The following TRARG1 variants were observed in gnomAD, a reference collection of about 807,000 sequenced individuals.
TRARG1 encodes trafficking regulator of GLUT4 (SLC2A4) 1 (gene/pseudogene), also known as trafficking regulator of GLUT4 1.
A neutral mutation model predicts 13.3 loss-of-function variants in TRARG1; 16 were observed. That is an observed-to-expected ratio of 1.20 (90% CI 0.81 to 1.83). The LOEUF (loss-of-function observed/expected upper bound fraction) is 1.83. Among genes scored for constraint, TRARG1 ranks in the 40% most tolerant of loss-of-function variants. The probability of loss-of-function intolerance (pLI) is 0.00; values close to 1 mark genes in which losing one functional copy is unlikely to be tolerated. For missense variants in TRARG1, 250 were observed against 237.4 expected (o/e 1.05, Z -0.35); for synonymous variants, 113 against 106.2 (o/e 1.06, Z -0.39).
At chr17:1,282,334 G>GTATATGTACATATGCGTA (rs2071989285) in intron 1 of TRARG1, among the ~76,000 whole-genome samples, 1 of 148,434 alleles carries the variant, frequency 6.7e-6, no homozygotes, top group Non-Finnish European at 1.5e-5. Context: ...ATATATGTAC[G>GTATATGTACATATGCGTA]TATATGTACA....
chr17:1,295,653 G>A (rs781557818), intron 2 of TRARG1, 30 bp downstream of exon 2: 2 of 1,595,858 alleles, frequency 1.3e-6, no homozygotes, highest in Middle Eastern at 1.7e-4. Flanking sequence ...AGAGGAGGAA[G>A]CCAGCTTGCC....
At chr17:1,289,715 C>T (rs1044834560) in intron 1 of TRARG1, among the ~76,000 whole-genome samples, 1 of 151,812 alleles carries the variant, frequency 6.6e-6, no homozygotes, top group Non-Finnish European at 1.5e-5. Flanking sequence ...GACCTTTCCT[C>T]TTTCCATCTG....
intron 2 of TRARG1, 118 bp from the exon 3 acceptor site, chr17:1,298,133 C>T (rs1389496644): frequency 8.0e-7 from 1 of 1,249,608 alleles, no homozygotes; most frequent in Non-Finnish European, 1.1e-6. Flanking sequence ...TTAGCCTTCT[C>T]CCCTTATCCC....
At chr17:1,280,513 G>A (rs1216598519) in intron 1 of TRARG1, 125 bp downstream of exon 1, 18 of 1,115,800 alleles carry the variant, frequency 1.6e-5, no homozygotes, top group Non-Finnish European at 2.0e-5. Flanking sequence ...GGGGGCTTGG[G>A]GAAGACTCCT....
intron 1 of TRARG1, among the ~76,000 whole-genome samples, chr17:1,285,997 T>A (rs1347834434): frequency 6.6e-6 from 1 of 151,996 alleles, no homozygotes; most frequent in Admixed American, 6.6e-5. Context: ...CACGCATAGA[T>A]CCCTGGTGAC....
chr17:1,293,095 G>T (rs2072084212), intron 1 of TRARG1, among the ~76,000 whole-genome samples: 1 of 152,054 alleles, frequency 6.6e-6, no homozygotes, highest in Admixed American at 6.6e-5. Flanking sequence ...AGACCAGCCT[G>T]GCCAACATGG....
In TRARG1 at chr17:1,282,044, ATGTACACATATGTACATG is replaced by A. The variant is rs1567927920; in HGVS notation, c.387+1658_387+1675del. On this transcript the variant is annotated intron_variant, in intron 1 of 2. Transcript: ENST00000333813. ...TACATATGTACATATATACACACAT[ATGTACACATATGTACATG>A]TATACACATATATACATATATGTAC... 5.2e-3 allele frequency among the ~76,000 whole-genome samples: 721 copies of A among 137,716 alleles called. 11 individuals are homozygous for A. Among genetic ancestry groups the A allele is most frequent in the African/African-American group, 0.019 (682 of 36,272 alleles). 90.3% of individuals were successfully genotyped at this position (137,716 alleles called of 152,430 possible).
intron 1 of TRARG1, among the ~76,000 whole-genome samples, chr17:1,294,883 A>G (rs3926577): frequency 6.6e-6 from 1 of 152,022 alleles, no homozygotes; most frequent in South Asian, 2.1e-4. Context: ...ATGGGGTTTC[A>G]CCATGTTGGT....
chr17:1,296,662 C>T (rs2072112856), intron 2 of TRARG1, among the ~76,000 whole-genome samples: 1 of 152,106 alleles, frequency 6.6e-6, no homozygotes, highest in Admixed American at 6.6e-5. Flanking sequence ...CAGGTGCCCA[C>T]CACCGCACCC....
At chr17:1,284,884 G>A (rs901625913) in intron 1 of TRARG1, among the ~76,000 whole-genome samples, 3 of 151,890 alleles carry the variant, frequency 2.0e-5, no homozygotes, top group Non-Finnish European at 4.4e-5. Context: ...GTTTCACTGT[G>A]TTAGCCAGGA....
rs1598198235 is a variant in TRARG1 at position 1,300,665 on chromosome 17, G to A, written c.*2401G>A. 1 of 152,600 alleles carries A rather than the reference G, an allele frequency of 6.6e-6. No individual in the cohort carries two copies. 9.5% of individuals were successfully genotyped at this position (152,600 alleles called of 1,614,324 possible). Reference sequence around the variant, plus strand: ...TGTGTGTAGGAGGCGGAGGCCCGCAGAGCACAGAGCAGGAGAAGGGCTTGG... The same window carrying A: ...TGTGTGTAGGAGGCGGAGGCCCGCAAAGCACAGAGCAGGAGAAGGGCTTGG... On this transcript the variant is annotated 3_prime_UTR_variant, in exon 3 of 3. Transcript: ENST00000333813.
intron 1 of TRARG1, among the ~76,000 whole-genome samples, chr17:1,282,234 A>ACGTATACACGTG (rs2071984530): frequency 1.6e-5 from 2 of 126,616 alleles, no homozygotes; most frequent in African/African-American, 3.1e-5. Context: ...GCGTATATGT[A>ACGTATACACGTG]CGTATATGCA....
chr17:1,280,138 C>T lies in TRARG1; in HGVS notation c.137C>T (p.Thr46Ile). The change falls in exon 1 of 3, where the codon ACC becomes ATC. Residue 46 changes from threonine to isoleucine, a missense_variant. Transcript: ENST00000333813. ...GACAAGACCCTGAATCTGTCCAAGA[C>T]CCTCTCGGGGCCTCTGGATCTGGAG... ...KDDKTLNLSK[T>I]LSGPLDLEQN... 1 of 1,613,962 alleles carries T rather than the reference C, an allele frequency of 6.2e-7. No homozygotes were observed. The highest frequency in any genetic ancestry group is 8.5e-7 in the Non-Finnish European group (1 of 1,180,012).
At chr17:1,293,250 C>T (rs2072085393) in intron 1 of TRARG1, among the ~76,000 whole-genome samples, 1 of 146,162 alleles carries the variant, frequency 6.8e-6, no homozygotes, top group Non-Finnish European at 1.5e-5. Flanking sequence ...CGCCACTGCA[C>T]TCCAGCCTGG....
intron 1 of TRARG1, among the ~76,000 whole-genome samples, chr17:1,293,945 G>C (rs936524737): frequency 6.6e-6 from 1 of 152,094 alleles, no homozygotes; most frequent in Non-Finnish European, 1.5e-5. Flanking sequence ...GGCTAAAGGA[G>C]GTAATCTAGG....
In TRARG1 at chr17:1,285,297, G is replaced by C. The variant is rs2072012621; in HGVS notation, c.387+4909G>C. On this transcript the variant is annotated intron_variant, in intron 1 of 2. Transcript: ENST00000333813. ...GTGGCGGCACACACCTATAATCCCA[G>C]CTACTCAGGAGGCTGAGGCAGGAGG... Among the ~76,000 whole-genome samples the C allele has an allele frequency of 4.6e-5, 7 of 152,054 alleles. No homozygotes were observed. The South Asian group carries it at 1.5e-3, about 32-fold the overall frequency.
chr17:1,298,423 C>A lies in TRARG1; in HGVS notation c.*159C>A. ...GGGAAACCCCCCAGTCACCCACTGT[C>A]AGCCCCCATCTGACAAGAAAGCCTG... On this transcript the variant is annotated 3_prime_UTR_variant, in exon 3 of 3. Coordinates refer to ENST00000333813, the MANE Select transcript of TRARG1 (RefSeq NM_172367.3). 1.4e-6 allele frequency: 1 copy of A among 713,956 alleles called. No homozygotes were observed. The highest frequency in any genetic ancestry group is 2.1e-5 in the South Asian group (1 of 47,974). The allele number at this position is 713,956 out of a possible 1,614,324, so 44.2% of individuals were successfully genotyped here. A position where few individuals can be genotyped will look rare whatever the true frequency, so the allele number is the denominator to read the frequency against.
At chr17:1,291,722 C>A (rs1185444425) in intron 1 of TRARG1, among the ~76,000 whole-genome samples, 1 of 152,116 alleles carries the variant, frequency 6.6e-6, no homozygotes, top group Non-Finnish European at 1.5e-5. Flanking sequence ...ATTCTCCTGG[C>A]AGAGCTGGAG....
intron 2 of TRARG1, among the ~76,000 whole-genome samples, chr17:1,296,259 C>T (rs779979061): frequency 3.3e-5 from 5 of 150,326 alleles, no homozygotes; most frequent in Non-Finnish European, 7.4e-5. Context: ...TGCAGTGGTG[C>T]GATCTCGGCT....
Sources: gnomAD v4.1 joint callset for allele counts (sites outside exome capture counted in the v4.1 genomes callset) on GRCh38, gnomAD v4.1.1 for gene constraint, MANE v1.5 for transcripts, NCBI Gene and HGNC (gene_info 2026-07-23, HGNC 2026-07-21) for gene names.